PSPH: variants seen among roughly 807,000 people sequenced by gnomAD.
PSPH encodes phosphoserine phosphatase, also known as L-3-phosphoserine phosphatase.
In PSPH, 16 loss-of-function variants were observed where a neutral mutation model predicts 23.4. The observed-to-expected ratio is 0.68, with a 90% CI of 0.46 to 1.04. The LOEUF (loss-of-function observed/expected upper bound fraction) is 1.04. Among genes scored for constraint, PSPH ranks in the 50% least tolerant of loss-of-function variants. PSPH has a pLI of 0.00. For synonymous variants in PSPH, 68 were observed against 99.7 expected, an observed-to-expected ratio of 0.68 and a Z score of 1.89; for missense variants, 223 against 273.7, an observed-to-expected ratio of 0.81 and a Z score of 1.31.
intron 1 of PSPH, among the ~76,000 whole-genome samples, chr7:56,041,122 G>A (rs1444857197): frequency 6.6e-6 from 1 of 152,048 alleles, no homozygotes; most frequent in Non-Finnish European, 1.5e-5. Context: ...CAAACACTTT[G>A]GGAGGCCAAG....
chr7:56,016,180 T>C (rs1788528502), intron 6 of PSPH, among the ~76,000 whole-genome samples: 1 of 151,236 alleles, frequency 6.6e-6, no homozygotes, highest in South Asian at 2.1e-4. Context: ...AGGTGGATCA[T>C]CTCAGGCCAG....
At chr7:56,017,112 G>A (rs917118548) in intron 6 of PSPH, 122 bp downstream of exon 6, 3 of 1,512,478 alleles carry the variant, frequency 2.0e-6, no homozygotes. Context: ...TCAATTAAGA[G>A]AACCATTCAT....
At chr7:56,015,666 A>T (rs10251184) in intron 6 of PSPH, among the ~76,000 whole-genome samples, 50,335 of 151,872 alleles carry the variant, frequency 0.33, 8,754 homozygotes, top group East Asian at 0.64. Flanking sequence ...TTAATTAATT[A>T]ATTTATTTTT....
At chr7:56,019,474 A>G in intron 5 of PSPH, 126 bp downstream of exon 5, 1 of 1,235,898 alleles carries the variant, frequency 8.1e-7, no homozygotes, top group Non-Finnish European at 1.1e-6. Context: ...TTAAAAAATT[A>G]AAAAATGAAA....
Position 56,021,054 on chromosome 7 carries a change from G to A in PSPH, c.140+19C>T, listed in dbSNP as rs962491483. On this transcript the variant is annotated intron_variant, in intron 4 of 7. Transcript: ENST00000275605. ...GAAAGTCTTTATCATTTCATAAAGTGAATAAATGCTATCCCTACATTTCTG... is the reference window on the plus strand; with the variant it reads ...GAAAGTCTTTATCATTTCATAAAGTAAATAAATGCTATCCCTACATTTCTG... 5 of 1,614,058 alleles carry A rather than the reference G, an allele frequency of 3.1e-6. No homozygotes were observed. Among genetic ancestry groups the A allele is most frequent in the Admixed American group, 3.3e-5 (2 of 59,976 alleles).
intron 1 of PSPH, among the ~76,000 whole-genome samples, chr7:56,042,605 C>T (rs1288731091): frequency 1.3e-5 from 2 of 149,236 alleles, no homozygotes; most frequent in South Asian, 2.1e-4. Flanking sequence ...GAGACATGTT[C>T]GTGCCACTGC....
rs374024099 is a variant in PSPH at position 56,015,147 on chromosome 7, G to A, written c.446C>T (p.Thr149Met). ...TCCACCAGATTCAGCTGTTGGCTGC[G>A]TCTCATCAAAACCTGCATATTCACC... ...FNGEYAGFDETQPTAESGGKG... is the reference protein window; with the variant it reads ...FNGEYAGFDEMQPTAESGGKG... Residue 149 changes from threonine (T) to methionine (M), a missense_variant, in exon 7 of 8, where the codon ACG becomes ATG. Transcript: ENST00000275605. 23 of 1,613,754 alleles carry A rather than the reference G, an allele frequency of 1.4e-5. No individual in the cohort carries two copies. The highest frequency in any genetic ancestry group is 6.7e-5 in the East Asian group (3 of 44,880).
At chr7:56,015,519 T>A (rs568106904) in intron 6 of PSPH, among the ~76,000 whole-genome samples, 1 of 151,834 alleles carries the variant, frequency 6.6e-6, no homozygotes, top group African/African-American at 2.4e-5. Flanking sequence ...GCTTTTAAAT[T>A]ATAACTATCA....
Position 56,011,866 on chromosome 7 carries a change from C to T in PSPH, c.574G>A (p.Ala192Thr), listed in dbSNP as rs1787946993. ...TDMEACPPAD[A>T]FIGFGGNVIR... ...ACATTTCCTCCAAATCCAATGAAAG[C>T]ATCCTAAGAAGGAAGAAAAGAGAGA... The change falls in exon 8 of 8, where the codon GCT becomes ACT. Residue 192 changes from alanine (A) to threonine (T), a missense_variant. By Grantham distance (58) the Ala-to-Thr change is moderately conservative. Transcript: ENST00000275605. 1.2e-6 allele frequency: 2 copies of T among 1,602,482 alleles called. No homozygotes were observed. Among genetic ancestry groups the T allele is most frequent in the South Asian group, 1.1e-5 (1 of 90,746 alleles).
At chr7:56,025,848 C>A (rs971908735) in intron 3 of PSPH, among the ~76,000 whole-genome samples, 1 of 152,174 alleles carries the variant, frequency 6.6e-6, no homozygotes, top group Non-Finnish European at 1.5e-5. Context: ...CCTGCCTTGG[C>A]CTCCCAAAAG....
At chr7:56,032,993 A>G (rs1791237161) in intron 2 of PSPH, 2 of 151,842 alleles carry the variant, frequency 1.3e-5, no homozygotes. Context: ...GGTATCAGGC[A>G]TATATTAAAT....
chr7:56,038,201 G>A (rs1337672227), intron 1 of PSPH, among the ~76,000 whole-genome samples: 1 of 151,206 alleles, frequency 6.6e-6, no homozygotes, highest in Admixed American at 6.6e-5. Flanking sequence ...CACTTTGGGA[G>A]GCCGAGGAGG....
chr7:56,046,198 G>A (rs1311685300), intron 1 of PSPH, among the ~76,000 whole-genome samples: 2 of 151,958 alleles, frequency 1.3e-5, no homozygotes, highest in Non-Finnish European at 2.9e-5. Context: ...GTGCAATGGC[G>A]CTATTTTGGC....
chr7:56,044,977 C>A (rs1242611373), intron 1 of PSPH, among the ~76,000 whole-genome samples: 3 of 149,920 alleles, frequency 2.0e-5, no homozygotes, highest in African/African-American at 7.4e-5. Context: ...GAGGCTGAGG[C>A]AGGACAATCG....
chr7:56,023,514 A>C (rs934424406), intron 3 of PSPH, among the ~76,000 whole-genome samples: 3 of 151,998 alleles, frequency 2.0e-5, no homozygotes, highest in Non-Finnish European at 4.4e-5. Flanking sequence ...CCTCCCACCT[A>C]GGTCTCCCAA....
chr7:56,019,837 C>G (rs7791829), intron 4 of PSPH, 103 bp from the exon 5 acceptor site: 417,080 of 1,478,864 alleles, frequency 0.28, 46,000 homozygotes, highest in East Asian at 0.37. Flanking sequence ...AAGGAAGATG[C>G]TACCAAGAGC....
intron 1 of PSPH, among the ~76,000 whole-genome samples, chr7:56,046,824 G>A (rs1354457732): frequency 6.7e-6 from 1 of 149,652 alleles, no homozygotes; most frequent in African/African-American, 2.5e-5. Flanking sequence ...AAAAGGGCTA[G>A]GATTATAGAC....
chr7:56,024,159 C>T (rs1474465885), intron 3 of PSPH, among the ~76,000 whole-genome samples: 1 of 151,804 alleles, frequency 6.6e-6, no homozygotes, highest in East Asian at 1.9e-4. Context: ...TCGTGATCCG[C>T]CCGCCTCGGC....
chr7:56,041,876 T>A (rs1174372412), intron 1 of PSPH, among the ~76,000 whole-genome samples: 2 of 151,794 alleles, frequency 1.3e-5, no homozygotes, highest in African/African-American at 4.8e-5. Flanking sequence ...TCAGCTGAGA[T>A]TGTGCCACTG....
Sources: gnomAD v4.1 joint callset for allele counts (sites outside exome capture counted in the v4.1 genomes callset) on GRCh38, gnomAD v4.1.1 for gene constraint, MANE v1.5 for transcripts, NCBI Gene and HGNC (gene_info 2026-07-23, HGNC 2026-07-21) for gene names.